Variants in RANBP2 observed in about 807,000 individuals in gnomAD.
RANBP2 encodes the protein RAN binding protein 2, also known as E3 SUMO-protein ligase RanBP2.
In RANBP2, 57 loss-of-function variants were observed where a neutral mutation model predicts 303.6. The observed-to-expected ratio is 0.19, with a 90% confidence interval of 0.15 to 0.23. RANBP2 has a LOEUF of 0.23. Among genes scored for constraint, RANBP2 ranks in the 10% least tolerant of loss-of-function variants. The pLI, the probability that RANBP2 is intolerant of heterozygous loss-of-function variation, is 1.00. For synonymous variants in RANBP2, 1,167 were observed against 1,301.5 expected (o/e 0.90, Z 2.23); for missense variants, 3,138 against 3,780.8 (o/e 0.83, Z 4.46).
chr2:109,514,527 C>G, the RANBP2 span, among the ~76,000 whole-genome samples: 1 of 152,318 alleles, frequency 6.6e-6, no homozygotes, highest in Non-Finnish European at 1.5e-5. Flanking sequence ...AGCCTGTGTG[C>G]AGGCCAGGCG....
the RANBP2 span, chr2:109,348,090 AC>A: frequency 1.7e-6 from 2 of 1,192,194 alleles, no homozygotes; most frequent in Non-Finnish European, 2.3e-6. Flanking sequence ...TGGGCAAATG[AC>A]CCAGCCTCCC....
chr2:109,398,709 C>A, the RANBP2 span: 2 of 1,612,642 alleles, frequency 1.2e-6, no homozygotes, highest in Non-Finnish European at 1.7e-6. Context: ...CCCCAAGTCC[C>A]ACTTTAAGCA....
the RANBP2 span, among the ~76,000 whole-genome samples, chr2:109,431,020 G>A: frequency 6.6e-6 from 1 of 152,202 alleles, no homozygotes; most frequent in South Asian, 2.1e-4. Context: ...TCATATTAAG[G>A]CCAAGAAACT....
chr2:109,148,726 A>G, the RANBP2 span, among the ~76,000 whole-genome samples: 14 of 152,234 alleles, frequency 9.2e-5, no homozygotes, highest in Non-Finnish European at 1.9e-4. Context: ...ATGTGTAGTG[A>G]ATTGAGTTCT....
the RANBP2 span, among the ~76,000 whole-genome samples, chr2:109,608,768 T>C: frequency 6.6e-6 from 1 of 152,028 alleles, no homozygotes; most frequent in Non-Finnish European, 1.5e-5. Context: ...TAGATACAAA[T>C]CCTAAAAAAA....
chr2:109,325,477 A>T, the RANBP2 span, among the ~76,000 whole-genome samples: 1,269 of 151,012 alleles, frequency 8.4e-3, 15 homozygotes, highest in East Asian at 0.043. Context: ...AGTAGATGGG[A>T]CTACAGGCAT....
chr2:109,576,564 A>G, the RANBP2 span, among the ~76,000 whole-genome samples: 1 of 152,220 alleles, frequency 6.6e-6, no homozygotes. Context: ...ACTTTCCAAA[A>G]AAATAAAATG....
intron 20 of RANBP2, 51 bp downstream of exon 20, chr2:108,768,439 T>A: frequency 6.2e-7 from 1 of 1,606,280 alleles, no homozygotes; most frequent in Non-Finnish European, 8.5e-7. Flanking sequence ...CTTTTAATGT[T>A]TAGCTTGATG....
the RANBP2 span, among the ~76,000 whole-genome samples, chr2:108,832,587 G>T: frequency 6.1e-4 from 93 of 152,162 alleles, no homozygotes; most frequent in African/African-American, 2.1e-3. Flanking sequence ...CCCAGAATTT[G>T]TATTTCCAAC....
chr2:108,922,568 CCTT>C, the RANBP2 span, among the ~76,000 whole-genome samples: 3 of 152,140 alleles, frequency 2.0e-5, no homozygotes, highest in Non-Finnish European at 2.9e-5. Flanking sequence ...CGCAGGCTCT[CCTT>C]CTTCTCCTGG....
At chr2:109,218,250 A>G in the RANBP2 span, among the ~76,000 whole-genome samples, 57,346 of 152,032 alleles carry the variant, frequency 0.38, 12,280 homozygotes, top group East Asian at 0.8. Context: ...GCACAAAAAA[A>G]GACATTTCAG....
the RANBP2 span, chr2:109,667,173 A>T: frequency 6.7e-6 from 9 of 1,335,744 alleles, no homozygotes; most frequent in Non-Finnish European, 8.5e-6. Flanking sequence ...TTCACTGCAC[A>T]TTCCAAAAGC....
At chr2:109,570,903 T>C in the RANBP2 span, among the ~76,000 whole-genome samples, 6 of 152,322 alleles carry the variant, frequency 3.9e-5, 1 homozygote, top group African/African-American at 1.4e-4. Context: ...CAGTCATGTG[T>C]GGCTTAACCA....
chr2:109,366,817 C>T, the RANBP2 span, among the ~76,000 whole-genome samples: 1 of 152,172 alleles, frequency 6.6e-6, no homozygotes, highest in Non-Finnish European at 1.5e-5. Context: ...TGTGCCACTG[C>T]ACTCCAGCCT....
the RANBP2 span, among the ~76,000 whole-genome samples, chr2:109,010,381 CTG>C: frequency 1.3e-5 from 2 of 150,848 alleles, no homozygotes; most frequent in African/African-American, 2.4e-5. Flanking sequence ...CCCAGTTCAG[CTG>C]TCTAGTAACT....
At chr2:109,687,765 C>T in the RANBP2 span, among the ~76,000 whole-genome samples, 4 of 127,026 alleles carry the variant, frequency 3.1e-5, no homozygotes, top group African/African-American at 5.8e-5. Context: ...TTTTTTGAAA[C>T]AGGGTCTGAC....
chr2:109,539,943 G>C, the RANBP2 span, among the ~76,000 whole-genome samples: 1 of 152,090 alleles, frequency 6.6e-6, no homozygotes, highest in Non-Finnish European at 1.5e-5. Context: ...ATGGACACTT[G>C]GGTTGTTTCG....
the RANBP2 span, among the ~76,000 whole-genome samples, chr2:109,431,795 C>T: frequency 5.3e-5 from 8 of 152,052 alleles, no homozygotes; most frequent in Non-Finnish European, 1.2e-4. Context: ...CACTTGAGCC[C>T]AGGCCATTGA....
the RANBP2 span, among the ~76,000 whole-genome samples, chr2:109,075,481 C>T: frequency 6.7e-6 from 1 of 149,926 alleles, no homozygotes; most frequent in East Asian, 1.9e-4. Context: ...CCGCCTTGGC[C>T]TCCCAAAGTG....
Sources: allele counts gnomAD v4.1 joint callset (sites outside exome capture counted in the v4.1 genomes callset), GRCh38; gene constraint gnomAD v4.1.1; transcripts MANE v1.5; gene names NCBI Gene and HGNC (gene_info 2026-07-23, HGNC 2026-07-21).